SGCZ: variants seen among roughly 807,000 people sequenced by gnomAD.
SGCZ encodes the protein zeta-sarcoglycan.
Under a neutral mutation model 41.3 loss-of-function variants are expected in SGCZ, and 40 were observed. The observed-to-expected ratio is 0.97, with a 90% confidence interval of 0.75 to 1.26. SGCZ has a LOEUF of 1.26. Ranked by LOEUF, SGCZ falls within the 50% of genes most tolerant of loss-of-function variation. SGCZ has a pLI of 0.00. For missense variants in SGCZ, 552 were observed against 369.8 expected (o/e 1.49, Z -4.04); for synonymous variants, 206 against 137.5 (o/e 1.50, Z -3.49).
intron 1 of SGCZ, among the ~76,000 whole-genome samples, chr8:15,097,548 G>C (rs937251516): frequency 5.3e-5 from 8 of 151,594 alleles, no homozygotes; most frequent in Non-Finnish European, 1.0e-4. Context: ...CCAGGAGTTT[G>C]AGACAAGCTT....
At chr8:15,064,564 T>C (rs538027095) in intron 1 of SGCZ, among the ~76,000 whole-genome samples, 1 of 147,732 alleles carries the variant, frequency 6.8e-6, no homozygotes, top group Admixed American at 6.7e-5. Flanking sequence ...AAAAAAAGTC[T>C]GAGTTTCAGT....
intron 1 of SGCZ, among the ~76,000 whole-genome samples, chr8:14,814,914 C>T (rs560580818): frequency 2.7e-4 from 41 of 152,134 alleles, no homozygotes; most frequent in African/African-American, 9.9e-4. Flanking sequence ...GCTATTTCAT[C>T]CTAATTAATG....
intron 3 of SGCZ, among the ~76,000 whole-genome samples, chr8:14,242,767 G>A (rs564617413): frequency 8.0e-4 from 121 of 152,168 alleles, no homozygotes; most frequent in African/African-American, 2.7e-3. Flanking sequence ...AAGCCATGTT[G>A]GAACTCCATA....
chr8:14,811,729 ATACAGAAGCAATTCCAGGT>A (rs1801744184), intron 1 of SGCZ, among the ~76,000 whole-genome samples: 1 of 151,824 alleles, frequency 6.6e-6, no homozygotes, highest in Admixed American at 6.6e-5. Context: ...TGCCGTGATC[ATACAGAAGCAATTCCAGGT>A]AACAGAAATG....
At chr8:15,113,220 A>C (rs1265114943) in intron 1 of SGCZ, among the ~76,000 whole-genome samples, 1 of 151,990 alleles carries the variant, frequency 6.6e-6, no homozygotes, top group Non-Finnish European at 1.5e-5. Flanking sequence ...AAAAAAAAAA[A>C]AACAAAAAGA....
chr8:14,514,553 A>C (rs1006925870), intron 2 of SGCZ, among the ~76,000 whole-genome samples: 2 of 151,092 alleles, frequency 1.3e-5, no homozygotes, highest in Non-Finnish European at 1.5e-5. Flanking sequence ...CAGTGTATGA[A>C]TTTTCTCATG....
At chr8:15,046,706 AG>A (rs1262673095) in intron 1 of SGCZ, among the ~76,000 whole-genome samples, 5 of 152,014 alleles carry the variant, frequency 3.3e-5, no homozygotes, top group Admixed American at 6.6e-5. Flanking sequence ...CATTGCTTCT[AG>A]CCCCTTTCAG....
rs116937950 is a variant in SGCZ at position 14,321,639 on chromosome 8, C to A, written c.336+2464G>T. Among the ~76,000 whole-genome samples the A allele has an allele frequency of 2.1e-4, 32 of 152,180 alleles. No individual in the cohort carries two copies. In the East Asian group the frequency reaches 5.4e-3, roughly 26 times the overall value. Reference sequence around the variant, plus strand: ...GGCATTAATAGAGGTTAAACATACACAACCACACACAGAAATCAAAATTAT... The same window carrying A: ...GGCATTAATAGAGGTTAAACATACAAAACCACACACAGAAATCAAAATTAT... On this transcript the variant is annotated intron_variant, in intron 3 of 7. Coordinates refer to ENST00000382080, the MANE Select transcript of SGCZ (RefSeq NM_139167.4).
intron 1 of SGCZ, among the ~76,000 whole-genome samples, chr8:14,787,988 C>G (rs745516032): frequency 7.9e-5 from 12 of 152,222 alleles, no homozygotes; most frequent in Non-Finnish European, 1.2e-4. Context: ...TATCAGATGA[C>G]CACGATAATC....
At chr8:14,758,345 C>T (rs1340299232) in intron 1 of SGCZ, among the ~76,000 whole-genome samples, 4 of 152,170 alleles carry the variant, frequency 2.6e-5, no homozygotes, top group African/African-American at 9.7e-5. Flanking sequence ...TGCAGATATT[C>T]CTCAATTCAG....
chr8:14,317,980 A>AT, intron 3 of SGCZ, among the ~76,000 whole-genome samples: 1 of 152,128 alleles, frequency 6.6e-6, no homozygotes, highest in Admixed American at 6.6e-5. Flanking sequence ...TAGAAAAAAA[A>AT]AAAAACTTCT....
chr8:14,754,916 A>C (rs965839932), intron 1 of SGCZ, among the ~76,000 whole-genome samples: 2 of 152,086 alleles, frequency 1.3e-5, no homozygotes, highest in Admixed American at 1.3e-4. Flanking sequence ...TTATTTGTAG[A>C]GACGGCGTTT....
intron 2 of SGCZ, among the ~76,000 whole-genome samples, chr8:14,465,841 A>C (rs1201835284): frequency 2.6e-5 from 4 of 151,906 alleles, no homozygotes; most frequent in Non-Finnish European, 5.9e-5. Context: ...TACACTGTAT[A>C]TCCAAAAACA....
chr8:14,092,666 C>T (rs1052917789), intron 7 of SGCZ, among the ~76,000 whole-genome samples: 2 of 152,004 alleles, frequency 1.3e-5, no homozygotes, highest in Non-Finnish European at 2.9e-5. Context: ...GGGGAAACCC[C>T]TTTCACTTGG....
intron 1 of SGCZ, among the ~76,000 whole-genome samples, chr8:14,870,728 A>G (rs968865389): frequency 2.9e-5 from 4 of 138,590 alleles, no homozygotes; most frequent in African/African-American, 5.4e-5. Context: ...ACAAGTTTAC[A>G]AAAAAAAAAA....
At chr8:14,743,989 C>T (rs1269732638) in intron 1 of SGCZ, among the ~76,000 whole-genome samples, 1 of 152,072 alleles carries the variant, frequency 6.6e-6, no homozygotes, top group Non-Finnish European at 1.5e-5. Flanking sequence ...AATATTGCCT[C>T]TTGAATTCTC....
At chr8:14,573,423 C>T (rs1055523362) in intron 1 of SGCZ, among the ~76,000 whole-genome samples, 1 of 151,640 alleles carries the variant, frequency 6.6e-6, no homozygotes, top group Non-Finnish European at 1.5e-5. Context: ...CTCCTGACCT[C>T]GTGATCCGCC....
At chr8:15,171,236 A>G (rs1437321444) in intron 1 of SGCZ, among the ~76,000 whole-genome samples, 3 of 152,208 alleles carry the variant, frequency 2.0e-5, no homozygotes, top group Non-Finnish European at 2.9e-5. Context: ...ATCATCATCG[A>G]AGTATATTTT....
At chr8:14,443,574 T>A (rs1800339380) in intron 2 of SGCZ, among the ~76,000 whole-genome samples, 2 of 152,164 alleles carry the variant, frequency 1.3e-5, no homozygotes, top group African/African-American at 4.8e-5. Flanking sequence ...GATTTCCTAT[T>A]TAAGAAATGG....
Sources: gnomAD v4.1 joint callset for allele counts (sites outside exome capture counted in the v4.1 genomes callset) on GRCh38, gnomAD v4.1.1 for gene constraint, MANE v1.5 for transcripts, NCBI Gene and HGNC (gene_info 2026-07-23, HGNC 2026-07-21) for gene names.